The following GRIK2 variants were observed in gnomAD, a reference collection of about 807,000 sequenced individuals.
GRIK2 encodes glutamate ionotropic receptor kainate type subunit 2.
In GRIK2, 32 loss-of-function variants were observed where a neutral mutation model predicts 100.3. That is an observed-to-expected ratio of 0.32 (90% CI 0.24 to 0.43). GRIK2 has a LOEUF of 0.43. Ranked by LOEUF, GRIK2 falls within the 20% of genes least tolerant of loss-of-function variation. GRIK2 has a pLI of 1.00. For synonymous variants in GRIK2, 417 were observed against 389.4 expected (o/e 1.07, Z -0.83); for missense variants, 843 against 1,114.9 (o/e 0.76, Z 3.47).
chr6:101,494,721 G>A (rs942274883), intron 2 of GRIK2, among the ~76,000 whole-genome samples: 7 of 150,942 alleles, frequency 4.6e-5, no homozygotes, highest in African/African-American at 9.7e-5. Context: ...GCCTGAGCTC[G>A]GGAGTTCGAG....
At chr6:101,548,928 C>T (rs559281940) in intron 2 of GRIK2, among the ~76,000 whole-genome samples, 1 of 152,258 alleles carries the variant, frequency 6.6e-6, no homozygotes, top group East Asian at 1.9e-4. Context: ...ATAGTTTGAA[C>T]ATCTCCTTAT....
chr6:101,666,965 C>T (rs1485470094), intron 4 of GRIK2, among the ~76,000 whole-genome samples: 1 of 152,056 alleles, frequency 6.6e-6, no homozygotes, highest in Non-Finnish European at 1.5e-5. Context: ...TTGATTTTTC[C>T]TATATGGTAA....
At chr6:101,931,050 A>G (rs1034490099) in intron 14 of GRIK2, among the ~76,000 whole-genome samples, 1 of 152,194 alleles carries the variant, frequency 6.6e-6, no homozygotes, top group Non-Finnish European at 1.5e-5. Context: ...TACTGAAACT[A>G]GGAAAAGAAA....
chr6:101,755,941 CTT>C (rs1451451046), intron 7 of GRIK2, among the ~76,000 whole-genome samples: 2 of 152,134 alleles, frequency 1.3e-5, no homozygotes, highest in East Asian at 3.8e-4. Flanking sequence ...AACGCCAAGA[CTT>C]TAACTCCTGG....
chr6:102,033,126 T>A (rs1770083845), intron 14 of GRIK2, among the ~76,000 whole-genome samples: 1 of 151,348 alleles, frequency 6.6e-6, no homozygotes, highest in Non-Finnish European at 1.5e-5. Flanking sequence ...CTACATATTT[T>A]TATAAAAATT....
At chr6:101,438,480 C>T (rs1001430937) in intron 2 of GRIK2, among the ~76,000 whole-genome samples, 4 of 152,012 alleles carry the variant, frequency 2.6e-5, no homozygotes, top group Admixed American at 6.6e-5. Flanking sequence ...GCTCCACTAT[C>T]GTACTTATCA....
At chr6:101,477,412 C>T (rs954180498) in intron 2 of GRIK2, among the ~76,000 whole-genome samples, 1 of 152,092 alleles carries the variant, frequency 6.6e-6, no homozygotes, top group Non-Finnish European at 1.5e-5. Context: ...AGAGCTTAGC[C>T]CACCAAACAA....
chr6:101,396,877 G>C (rs558940485), intron 1 of GRIK2, among the ~76,000 whole-genome samples: 20 of 151,906 alleles, frequency 1.3e-4, no homozygotes, highest in African/African-American at 4.8e-4. Context: ...TACCATATGT[G>C]CAAAATTGGT....
intron 15 of GRIK2, among the ~76,000 whole-genome samples, chr6:102,039,773 C>T (rs746017115): frequency 6.6e-6 from 1 of 151,560 alleles, no homozygotes; most frequent in African/African-American, 2.4e-5. Flanking sequence ...TCCATTAGGG[C>T]CAGTTGGTAT....
chr6:101,554,985 G>T (rs1435928289), intron 2 of GRIK2, among the ~76,000 whole-genome samples: 3 of 152,114 alleles, frequency 2.0e-5, no homozygotes, highest in Non-Finnish European at 4.4e-5. Flanking sequence ...ATAGTGAATT[G>T]CAAGTAAATT....
intron 10 of GRIK2, 58 bp downstream of exon 10, chr6:101,818,541 A>T (rs1781771195): frequency 1.1e-6 from 1 of 900,326 alleles, no homozygotes; most frequent in Admixed American, 1.9e-5. Flanking sequence ...AGAAGTGCAT[A>T]GAAAAGGACA....
In GRIK2 at chr6:101,393,747, T is replaced by C. The variant is rs367623372; in HGVS notation, c.-384T>C. ...CCGGCGGCTGCGCTGGTCGGTCTGG[T>C]AGCTGGGGACTTTTCCGCCCGACCT... On this transcript the variant is annotated 5_prime_UTR_variant, in exon 1 of 17. Transcript: ENST00000369134. 2.5e-4 allele frequency among the ~76,000 whole-genome samples: 38 copies of C among 152,030 alleles called. No individual in the cohort carries two copies. In the East Asian group the frequency reaches 7.3e-3, roughly 29 times the overall value.
chr6:102,067,736 CTA>C (rs754804409), intron 16 of GRIK2, among the ~76,000 whole-genome samples: 34 of 151,934 alleles, frequency 2.2e-4, no homozygotes, highest in Non-Finnish European at 4.6e-4. Context: ...GTCTAACATG[CTA>C]TAATTTGTCA....
chr6:101,782,059 G>T (rs1418016577), intron 7 of GRIK2, among the ~76,000 whole-genome samples: 4 of 152,050 alleles, frequency 2.6e-5, no homozygotes, highest in Non-Finnish European at 5.9e-5. Context: ...TATTTATGGA[G>T]TACATGTGAT....
At chr6:101,728,959 G>A (rs1277270085) in intron 7 of GRIK2, among the ~76,000 whole-genome samples, 1 of 149,772 alleles carries the variant, frequency 6.7e-6, no homozygotes, top group Non-Finnish European at 1.5e-5. Context: ...TGTATTAAAA[G>A]CAATTTTTTT....
intron 7 of GRIK2, among the ~76,000 whole-genome samples, chr6:101,694,828 T>C (rs753354505): frequency 1.3e-5 from 2 of 151,886 alleles, no homozygotes; most frequent in African/African-American, 4.8e-5. Flanking sequence ...ATTTCAGTTT[T>C]ATGAATAATC....
chr6:101,539,594 T>C (rs1198161583), intron 2 of GRIK2, among the ~76,000 whole-genome samples: 1 of 151,818 alleles, frequency 6.6e-6, no homozygotes, highest in Non-Finnish European at 1.5e-5. Flanking sequence ...ACAATCTACA[T>C]TATCTACATT....
chr6:101,578,652 G>C lies in GRIK2; in HGVS notation c.116-43297G>C, dbSNP rs1777901474. 5.9e-5 allele frequency among the ~76,000 whole-genome samples: 9 copies of C among 152,264 alleles called. No individual in the cohort carries two copies. The South Asian group carries it at 1.9e-3, about 32-fold the overall frequency. Reference sequence around the variant, plus strand: ...ACAGCTGTGGCCACTCTACCTGTAAGTGCCTTAATTACACCCTTTGGCCTT... The same window carrying C: ...ACAGCTGTGGCCACTCTACCTGTAACTGCCTTAATTACACCCTTTGGCCTT... On this transcript the variant is annotated intron_variant, in intron 2 of 16. Coordinates refer to ENST00000369134, the MANE Select transcript of GRIK2 (RefSeq NM_021956.5).
intron 14 of GRIK2, among the ~76,000 whole-genome samples, chr6:101,936,560 C>A (rs1411822557): frequency 3.9e-5 from 6 of 152,090 alleles, no homozygotes; most frequent in Non-Finnish European, 8.8e-5. Flanking sequence ...TTGTCTCCCT[C>A]CCCCTTTCCT....
Sources: allele counts gnomAD v4.1 joint callset (sites outside exome capture counted in the v4.1 genomes callset), GRCh38; gene constraint gnomAD v4.1.1; transcripts MANE v1.5; gene names NCBI Gene and HGNC (gene_info 2026-07-23, HGNC 2026-07-21).